Variants in CCAR1 observed in about 807,000 individuals in gnomAD.
CCAR1 encodes cell division cycle and apoptosis regulator protein 1.
In CCAR1, 78 loss-of-function variants were observed where a neutral mutation model predicts 163.8. The observed-to-expected ratio is 0.48, with a 90% CI of 0.40 to 0.57. The LOEUF (loss-of-function observed/expected upper bound fraction) is 0.57. CCAR1 is among the 20% of genes least tolerant of loss of function. The probability of loss-of-function intolerance (pLI) is 0.00; values close to 1 mark genes in which losing one functional copy is unlikely to be tolerated. For missense variants in CCAR1, 1,019 were observed against 1,365.2 expected, an observed-to-expected ratio of 0.75 and a Z score of 4.00; for synonymous variants, 443 against 460.7, an observed-to-expected ratio of 0.96 and a Z score of 0.49.
chr10:68,747,606 A>C, intron 8 of CCAR1, 40 bp downstream of exon 8: 1 of 1,549,288 alleles, frequency 6.5e-7, no homozygotes, highest in Non-Finnish European at 8.8e-7. Flanking sequence ...ATAACTTTTT[A>C]GTTGTTGATA....
intron 2 of CCAR1, among the ~76,000 whole-genome samples, chr10:68,736,640 G>A (rs752532033): frequency 2.0e-5 from 3 of 152,070 alleles, no homozygotes; most frequent in Non-Finnish European, 4.4e-5. Context: ...CATACGTGGT[G>A]CAAATTACCG....
intron 19 of CCAR1, among the ~76,000 whole-genome samples, chr10:68,779,265 T>C (rs1320582669): frequency 6.6e-6 from 1 of 151,794 alleles, no homozygotes; most frequent in Non-Finnish European, 1.5e-5. Context: ...AAGATACTTT[T>C]TTTTTTTTTT....
intron 22 of CCAR1, 35 bp downstream of exon 22, chr10:68,788,082 AT>A: frequency 6.5e-7 from 1 of 1,541,618 alleles, no homozygotes; most frequent in Non-Finnish European, 8.7e-7. Context: ...TTTTTAATAA[AT>A]ATACTAGTAA....
At chr10:68,784,069 T>G (rs776233911) in intron 19 of CCAR1, among the ~76,000 whole-genome samples, 8 of 152,234 alleles carry the variant, frequency 5.3e-5, no homozygotes, top group Non-Finnish European at 7.4e-5. Flanking sequence ...ATTGTTTGCT[T>G]CTTATGGATG....
At chr10:68,770,676 G>C (rs1230296093) in intron 17 of CCAR1, among the ~76,000 whole-genome samples, 2 of 152,202 alleles carry the variant, frequency 1.3e-5, no homozygotes, top group African/African-American at 4.8e-5. Flanking sequence ...TCGGGAAGCA[G>C]AGGTTGCAGT....
At chr10:68,724,784 G>A (rs2055916561) in intron 2 of CCAR1, among the ~76,000 whole-genome samples, 1 of 151,998 alleles carries the variant, frequency 6.6e-6, no homozygotes, top group Non-Finnish European at 1.5e-5. Context: ...CTCAAAAAAG[G>A]TAAAGAAAAA....
At chr10:68,722,682 T>C (rs892105493) in intron 2 of CCAR1, 105 bp downstream of exon 2, 2 of 829,242 alleles carry the variant, frequency 2.4e-6, no homozygotes, top group African/African-American at 1.7e-5. Flanking sequence ...CCTAGCACTT[T>C]GGGAAGCGGA....
At chr10:68,770,965 C>T (rs2056594363) in intron 17 of CCAR1, among the ~76,000 whole-genome samples, 1 of 152,008 alleles carries the variant, frequency 6.6e-6, no homozygotes, top group East Asian at 1.9e-4. Context: ...GTAGTCCCAG[C>T]TACTTAGCAG....
At chr10:68,743,668 A>G (rs1412430300) in intron 6 of CCAR1, among the ~76,000 whole-genome samples, 1 of 151,598 alleles carries the variant, frequency 6.6e-6, no homozygotes, top group Non-Finnish European at 1.5e-5. Flanking sequence ...TCAGCCTCCC[A>G]AGTAGCAGGG....
chr10:68,761,154 G>A lies in CCAR1; in HGVS notation c.2068G>A (p.Asp690Asn), dbSNP rs753355738. The A allele has an allele frequency of 6.2e-7, 1 of 1,606,048 alleles. No homozygotes were observed. Among genetic ancestry groups the A allele is most frequent in the Admixed American group, 1.7e-5 (1 of 57,822 alleles). ...KELEKSEKEE[D>N]EDDDRKSEDD... is the part of the protein sequence containing the mutation. ...GTTAGAGAAATCTGAAAAAGAAGAG[G>A]ATGAGGATGATGATAGGAAATCTGA... The change falls in exon 16 of 25, where the codon GAT (aspartate) becomes AAT (asparagine). Residue 690 changes from aspartate to asparagine, a missense_variant. Physicochemically the swap from Asp to Asn is conservative, Grantham distance 23. Coordinates refer to ENST00000265872, the MANE Select transcript of CCAR1 (RefSeq NM_018237.4).
chr10:68,725,108 C>T (rs991344702), intron 2 of CCAR1, among the ~76,000 whole-genome samples: 1 of 151,858 alleles, frequency 6.6e-6, no homozygotes, highest in Non-Finnish European at 1.5e-5. Context: ...CGCCATTGCG[C>T]TCTAGCCTGG....
intron 19 of CCAR1, among the ~76,000 whole-genome samples, chr10:68,778,247 C>G (rs1046070229): frequency 6.6e-6 from 1 of 152,068 alleles, no homozygotes; most frequent in African/African-American, 2.4e-5. Context: ...CTAGTGCTCA[C>G]AATGACTTAC....
chr10:68,762,058 G>T, intron 16 of CCAR1, among the ~76,000 whole-genome samples: 1 of 151,956 alleles, frequency 6.6e-6, no homozygotes, highest in African/African-American at 2.4e-5. Context: ...GGCCGGGAGC[G>T]GTGGCTCATG....
chr10:68,735,371 C>CTTT (rs34103994), intron 2 of CCAR1, among the ~76,000 whole-genome samples: 3,811 of 115,318 alleles, frequency 0.033, 235 homozygotes, highest in African/African-American at 0.1. Flanking sequence ...CGTTTTTGTG[C>CTTT]TTTTTTTTTT....
At chr10:68,733,913 C>T (rs2056074275) in intron 2 of CCAR1, among the ~76,000 whole-genome samples, 1 of 152,160 alleles carries the variant, frequency 6.6e-6, no homozygotes, top group South Asian at 2.1e-4. Context: ...ATCTACCCTG[C>T]TCAGCCTCCC....
At chr10:68,748,528 G>A (rs190167404) in intron 8 of CCAR1, among the ~76,000 whole-genome samples, 16 of 128,192 alleles carry the variant, frequency 1.2e-4, no homozygotes, top group South Asian at 4.8e-4. Context: ...TCTCTCTATC[G>A]CCAAGGCTAG....
chr10:68,772,904 G>T, intron 18 of CCAR1, 84 bp from the exon 19 acceptor site: 1 of 639,790 alleles, frequency 1.6e-6, no homozygotes, highest in Non-Finnish European at 2.6e-6. Flanking sequence ...TGAGCCCACG[G>T]GTTGGAGACC....
intron 8 of CCAR1, among the ~76,000 whole-genome samples, chr10:68,748,840 C>T (rs1441257836): frequency 1.3e-5 from 2 of 151,982 alleles, no homozygotes; most frequent in Admixed American, 6.6e-5. Context: ...CAGCCCCCCT[C>T]TAATTTTTGC....
intron 6 of CCAR1, among the ~76,000 whole-genome samples, chr10:68,743,018 C>T (rs577243115): frequency 2.7e-5 from 4 of 148,384 alleles, no homozygotes; most frequent in South Asian, 2.2e-4. Flanking sequence ...TCACAACCTC[C>T]GCCTCCTGGG....
Sources: allele counts gnomAD v4.1 joint callset (sites outside exome capture counted in the v4.1 genomes callset), GRCh38; gene constraint gnomAD v4.1.1; transcripts MANE v1.5; gene names NCBI Gene and HGNC (gene_info 2026-07-23, HGNC 2026-07-21).